CAPRIN2: variants seen among roughly 807,000 people sequenced by gnomAD.
The protein encoded by CAPRIN2 is caprin-2.
Under a neutral mutation model 130.4 loss-of-function variants are expected in CAPRIN2, and 66 were observed. The observed-to-expected ratio is 0.51, with a 90% CI of 0.42 to 0.62. The LOEUF is 0.62. Ranked by LOEUF, CAPRIN2 falls within the 20% of genes least tolerant of loss-of-function variation. The pLI is 0.00. For missense variants in CAPRIN2, 1,185 were observed against 1,246.6 expected, an observed-to-expected ratio of 0.95 and a Z score of 0.74; for synonymous variants, 471 against 444.1, an observed-to-expected ratio of 1.06 and a Z score of -0.76.
chr12:30,713,236 T>C (rs1005725559), intron 15 of CAPRIN2, among the ~76,000 whole-genome samples: 1 of 152,244 alleles, frequency 6.6e-6, no homozygotes, highest in African/African-American at 2.4e-5. Flanking sequence ...TCCCAAGTTT[T>C]GTTAAAGTGG....
In CAPRIN2 at chr12:30,720,925, G is replaced by C; in HGVS notation, c.2044-10C>G. On this transcript the variant is annotated splice_polypyrimidine_tract_variant and intron_variant, in intron 11 of 16. Transcript: ENST00000298892. Reference sequence around the variant, plus strand: ...CTGGAGAAGAAGTAGCCTAGACACAGGAAAATACAAAATATTGTAAAAGGC... The same window carrying C: ...CTGGAGAAGAAGTAGCCTAGACACACGAAAATACAAAATATTGTAAAAGGC... The C allele has an allele frequency of 6.3e-7, 1 of 1,579,672 alleles. No individual in the cohort carries two copies. Among genetic ancestry groups the C allele is most frequent in the East Asian group, 2.2e-5 (1 of 44,690 alleles).
intron 12 of CAPRIN2, 64 bp from the exon 14 acceptor site, chr12:30,719,289 A>G (rs529062800): frequency 1.3e-6 from 2 of 1,582,480 alleles, no homozygotes; most frequent in African/African-American, 1.3e-5. Context: ...AACTTACTCT[A>G]AAACCCAAAC....
chr12:30,748,270 A>G (rs369848027), intron 2 of CAPRIN2, among the ~76,000 whole-genome samples: 76 of 152,308 alleles, frequency 5.0e-4, no homozygotes, highest in African/African-American at 1.8e-3. Flanking sequence ...GAGTCCATCA[A>G]CGTGGCTAAT....
At chr12:30,734,062 G>A (rs1325145756) in intron 4 of CAPRIN2, among the ~76,000 whole-genome samples, 1 of 152,176 alleles carries the variant, frequency 6.6e-6, no homozygotes, top group East Asian at 1.9e-4. Context: ...AGCCGCATTT[G>A]ACTTTAAAGA....
At position 30,710,081 on chromosome 12, in the gene CAPRIN2, C is replaced by T; in HGVS notation, c.3055G>A (p.Glu1019Lys). ...TTGGCATAGGCTGATACCAAGACCT[C>T]TTCATTCTTCATGAGGTTGACATAC... The change falls in exon 17 of 17, where the codon GAG becomes AAG. Residue 1019 changes from glutamate to lysine, a missense_variant. By Grantham distance (56) the Glu-to-Lys change is moderately conservative. Around this residue, in one of 2 missense-constraint regions of CAPRIN2, gnomAD observed 81 missense variants for 142.2 expected, o/e 0.57. Coordinates refer to ENST00000298892, the Ensembl canonical transcript of CAPRIN2. The surrounding 1 kb of genome is among the most constrained non-coding windows in gnomAD (Gnocchi z 4.8). 1 of 1,614,126 alleles carries T rather than the reference C, an allele frequency of 6.2e-7. No homozygotes were observed. Among genetic ancestry groups the T allele is most frequent in the Non-Finnish European group, 8.5e-7 (1 of 1,180,024 alleles).
At chr12:30,718,276 G>A (rs1207386904) in intron 12 of CAPRIN2, among the ~76,000 whole-genome samples, 1 of 152,208 alleles carries the variant, frequency 6.6e-6, no homozygotes, top group Non-Finnish European at 1.5e-5. Flanking sequence ...GTGAAAGCAA[G>A]GAACTATTCT....
upstream of CAPRIN2, chr12:30,754,837 C>G (rs1004003328): frequency 1.3e-5 from 2 of 151,816 alleles, no homozygotes; most frequent in African/African-American, 4.8e-5. Flanking sequence ...GGAGGTGGAC[C>G]GGCGCCACCC....
At chr12:30,728,299 A>T (rs147615826) in intron 8 of CAPRIN2, 242 of 192,470 alleles carry the variant, frequency 1.3e-3, no homozygotes, top group African/African-American at 5.2e-3. Context: ...TCACGCCTGT[A>T]ATCTCAGCAC....
At position 30,734,839 on chromosome 12, in the gene CAPRIN2, C is replaced by T. The variant is rs2063940832; in HGVS notation, c.809+129G>A. The T allele has an allele frequency of 5.8e-6, 4 of 690,444 alleles. No individual in the cohort carries two copies. The East Asian group carries it at 1.0e-4, about 17-fold the overall frequency. The allele number at this position is 690,444 out of a possible 1,614,324, so 42.8% of individuals were successfully genotyped here. Reference sequence around the variant, plus strand: ...ATTAATACTTTCTTAAGTTCTCTCTCCCCCTCTCTAACACACACACACACA... The same window carrying T: ...ATTAATACTTTCTTAAGTTCTCTCTTCCCCTCTCTAACACACACACACACA... On this transcript the variant is annotated intron_variant, in intron 4 of 16. Transcript: ENST00000298892.
chr12:30,725,288 G>C (rs1303705208), intron 9 of CAPRIN2, among the ~76,000 whole-genome samples: 1 of 152,134 alleles, frequency 6.6e-6, no homozygotes, highest in African/African-American at 2.4e-5. Flanking sequence ...GAGCATTTTA[G>C]TTCTTACATC....
At chr12:30,715,068 C>T (rs13656) in exon 14 of CAPRIN2, 959,560 of 1,612,982 alleles carry the variant, frequency 0.59, 291,114 homozygotes, top group African/African-American at 0.84. Flanking sequence ...GTCTGGGAAA[C>T]ACATTCGTCT....
intron 6 of CAPRIN2, 123 bp downstream of exon 7, chr12:30,731,220 T>C (rs2062567649): frequency 3.1e-6 from 2 of 639,974 alleles, no homozygotes; most frequent in Middle Eastern, 8.0e-4. Context: ...CTGTGGTAAG[T>C]AAAGATTTCC....
At chr12:30,748,119 C>T (rs921013839) in intron 2 of CAPRIN2, among the ~76,000 whole-genome samples, 1 of 152,114 alleles carries the variant, frequency 6.6e-6, no homozygotes, top group Non-Finnish European at 1.5e-5. Flanking sequence ...ACAACAAAAC[C>T]TTTAGAATTT....
intron 3 of CAPRIN2, among the ~76,000 whole-genome samples, chr12:30,737,699 G>A (rs553321091): frequency 2.0e-5 from 3 of 150,044 alleles, no homozygotes; most frequent in Admixed American, 6.7e-5. Flanking sequence ...CCGGGTTCAC[G>A]CCATTCTCCT....
chr12:30,736,734 T>C (rs2064998511), intron 3 of CAPRIN2, among the ~76,000 whole-genome samples: 1 of 152,188 alleles, frequency 6.6e-6, no homozygotes, highest in Admixed American at 6.5e-5. Context: ...TTGCAAGACC[T>C]CAGTATAGAC....
chr12:30,711,916 G>A (rs1591892296), intron 15 of CAPRIN2: 5 of 516,366 alleles, frequency 9.7e-6, no homozygotes, highest in Admixed American at 2.5e-5. Context: ...ACAATGCTAG[G>A]TAATGAGAGA....
At chr12:30,753,834 G>C (rs2075145801) in exon 1 of CAPRIN2, 7 of 1,441,886 alleles carry the variant, frequency 4.9e-6, no homozygotes, top group Non-Finnish European at 6.5e-6. Flanking sequence ...CTCCCAATAC[G>C]GAGGATGTTT....
At chr12:30,740,932 C>T (rs2067171241) in intron 3 of CAPRIN2, 88 bp downstream of exon 4, 1 of 733,810 alleles carries the variant, frequency 1.4e-6, no homozygotes, top group Non-Finnish European at 2.3e-6. Context: ...AATAACCAAA[C>T]ACCATTACTA....
chr12:30,750,829 T>C (rs1489478128), intron 2 of CAPRIN2, among the ~76,000 whole-genome samples: 2 of 152,204 alleles, frequency 1.3e-5, no homozygotes, highest in African/African-American at 2.4e-5. Flanking sequence ...AGTGACAGTC[T>C]ACACTTTCAC....
Sources: gnomAD v4.1 joint callset for allele counts (sites outside exome capture counted in the v4.1 genomes callset) on GRCh38, gnomAD v4.1.1 for gene constraint, gnomAD v4.1.1 regional missense constraint, Gnocchi (gnomAD v3.1) non-coding constraint, MANE v1.5 for transcripts, NCBI Gene and HGNC (gene_info 2026-07-23, HGNC 2026-07-21) for gene names.